Variants in VRK2 observed in about 807,000 individuals in gnomAD.
VRK2 encodes the protein serine/threonine-protein kinase VRK2.
VRK2 carries 60 observed loss-of-function variants against 57.6 expected under a neutral mutation model. The ratio of observed to expected loss-of-function variants is 1.04; its 90% CI spans 0.85 to 1.29. The LOEUF (loss-of-function observed/expected upper bound fraction) is 1.29, where lower values mean the gene tolerates loss of function less well. Ranked by LOEUF, VRK2 falls within the 50% of genes most tolerant of loss-of-function variation. The probability of loss-of-function intolerance (pLI) is 0.00; values close to 1 mark genes in which losing one functional copy is unlikely to be tolerated. For missense variants in VRK2, 705 were observed against 588.1 expected (o/e 1.20, Z -2.06); for synonymous variants, 231 against 199.2 (o/e 1.16, Z -1.35).
chr2:58,088,784 T>C (rs1434429680), intron 6 of VRK2, among the ~76,000 whole-genome samples: 1 of 152,204 alleles, frequency 6.6e-6, no homozygotes, highest in Non-Finnish European at 1.5e-5. Flanking sequence ...TGGCAAAATA[T>C]ATTGTCAGAC....
Position 57,969,632 on chromosome 2 carries a change from T to C in VRK2, c.-438-56033T>C, listed in dbSNP as rs1037346259. On this transcript the variant is annotated intron_variant, in intron 1 of 15. Coordinates refer to the VRK2 transcript ENST00000417641. The stretch of plus-strand genomic sequence containing the variant: ...TATTTCAAGAATTTAGAAACAATAC[T>C]TCAAGAAGTTCTAAGGAAATGAACA... Among the ~76,000 whole-genome samples, 41 of 152,018 alleles carry C rather than the reference T, an allele frequency of 2.7e-4. 1 individual carries two copies. The highest frequency in any genetic ancestry group is 1.2e-4 in the Non-Finnish European group (8 of 67,984).
chr2:58,087,856 G>A (rs749584350), intron 5 of VRK2, among the ~76,000 whole-genome samples: 5 of 152,092 alleles, frequency 3.3e-5, no homozygotes, highest in Non-Finnish European at 7.4e-5. Context: ...GTGTGGTGGT[G>A]CATGCCTGCA....
At chr2:57,939,715 T>C (rs1378858413) in intron 1 of VRK2, among the ~76,000 whole-genome samples, 1 of 152,192 alleles carries the variant, frequency 6.6e-6, no homozygotes, top group Non-Finnish European at 1.5e-5. Flanking sequence ...AACAATAATA[T>C]TGCATTTTAT....
chr2:58,061,511 C>T (rs1457415415), intron 2 of VRK2, among the ~76,000 whole-genome samples: 2 of 151,628 alleles, frequency 1.3e-5, no homozygotes, highest in Admixed American at 1.3e-4. Flanking sequence ...TAATCGGTTG[C>T]CAAAAAAGCA....
chr2:57,999,982 A>G (rs1673043096), intron 1 of VRK2, among the ~76,000 whole-genome samples: 1 of 152,142 alleles, frequency 6.6e-6, no homozygotes, highest in African/African-American at 2.4e-5. Context: ...CATCTCTACA[A>G]AAATTTAATA....
At chr2:58,023,168 A>G (rs1400600772) in intron 1 of VRK2, among the ~76,000 whole-genome samples, 1 of 152,070 alleles carries the variant, frequency 6.6e-6, no homozygotes, top group Non-Finnish European at 1.5e-5. Flanking sequence ...GCAACTACCA[A>G]CCTCCTTTCT....
At chr2:58,041,083 G>C (rs942105717) in intron 3 of VRK2, 2 of 984,798 alleles carry the variant, frequency 2.0e-6, no homozygotes, top group South Asian at 4.7e-5. Context: ...GGGGGAAAAA[G>C]GATGTAGAGT....
chr2:58,136,966 TC>T (rs1415662900), intron 10 of VRK2, among the ~76,000 whole-genome samples: 10 of 130,658 alleles, frequency 7.7e-5, no homozygotes, highest in East Asian at 6.1e-4. Context: ...TGTATATATA[TC>T]ATATATTATA....
At chr2:58,121,689 T>C (rs1339441724) in intron 7 of VRK2, among the ~76,000 whole-genome samples, 1 of 152,230 alleles carries the variant, frequency 6.6e-6, no homozygotes, top group Non-Finnish European at 1.5e-5. Context: ...CAGAATTTCC[T>C]CTTAATAGAT....
At chr2:58,084,591 T>C (rs773643950) in intron 3 of VRK2, among the ~76,000 whole-genome samples, 1 of 151,934 alleles carries the variant, frequency 6.6e-6, no homozygotes, top group Non-Finnish European at 1.5e-5. Flanking sequence ...TATATGTTTA[T>C]GTATACAGTT....
At chr2:57,928,445 T>A (rs1204522422) in intron 1 of VRK2, among the ~76,000 whole-genome samples, 1 of 152,122 alleles carries the variant, frequency 6.6e-6, no homozygotes, top group African/African-American at 2.4e-5. Context: ...TTCTTTGTGT[T>A]ATCTTGAATT....
intron 4 of VRK2, among the ~76,000 whole-genome samples, chr2:58,085,304 T>C (rs964755684): frequency 1.3e-5 from 2 of 151,820 alleles, no homozygotes; most frequent in African/African-American, 2.4e-5. Flanking sequence ...GAAAAAACAT[T>C]AAAATGGGAA....
chr2:57,976,240 G>T (rs1485980642), intron 1 of VRK2, among the ~76,000 whole-genome samples: 2 of 152,014 alleles, frequency 1.3e-5, no homozygotes, highest in Non-Finnish European at 2.9e-5. Context: ...TGTGCCTTTT[G>T]GTAGAATGAT....
intron 1 of VRK2, among the ~76,000 whole-genome samples, chr2:57,956,716 A>G (rs1671598263): frequency 6.6e-6 from 1 of 152,186 alleles, no homozygotes. Flanking sequence ...TTGGAGAAGA[A>G]AGTAGGCATT....
At chr2:58,046,771 G>A (rs1251634708), upstream of VRK2, 2 of 985,504 alleles carry the variant, frequency 2.0e-6, no homozygotes, top group Non-Finnish European at 2.4e-6. Flanking sequence ...TGCTGGGCCC[G>A]CCTCCCCGCG....
chr2:58,109,434 GA>G (rs1217084882), intron 7 of VRK2, among the ~76,000 whole-genome samples: 2,841 of 140,812 alleles, frequency 0.02, 38 homozygotes, highest in African/African-American at 0.036. Context: ...ATACTGCTAT[GA>G]AAAAAAAAAA....
At position 57,979,148 on chromosome 2, in the gene VRK2, T is replaced by C. The variant is rs543101254; in HGVS notation, c.-438-46517T>C. 9.7e-4 allele frequency among the ~76,000 whole-genome samples: 146 copies of C among 151,212 alleles called. 2 individuals carry two copies. Among genetic ancestry groups the C allele is most frequent in the Non-Finnish European group, 1.5e-3 (100 of 68,012 alleles). ...CATACGTGTGCATGTGTTTTTGCAGTAGAATGATTTATATTCCTTTGGGTA... is the reference window on the plus strand; with the variant it reads ...CATACGTGTGCATGTGTTTTTGCAGCAGAATGATTTATATTCCTTTGGGTA... On this transcript the variant is annotated intron_variant, in intron 1 of 15. Transcript: ENST00000417641.
At chr2:57,948,746 G>A (rs971080638) in intron 1 of VRK2, among the ~76,000 whole-genome samples, 1 of 152,026 alleles carries the variant, frequency 6.6e-6, no homozygotes, top group African/African-American at 2.4e-5. Flanking sequence ...AGAGAAGTAG[G>A]AGAAAGCATA....
intron 1 of VRK2, among the ~76,000 whole-genome samples, chr2:58,001,182 T>G (rs1673078116): frequency 6.6e-6 from 1 of 152,216 alleles, no homozygotes; most frequent in African/African-American, 2.4e-5. Context: ...TTTTCATACA[T>G]TTCATACTTT....
Sources: gnomAD v4.1 joint callset for allele counts (sites outside exome capture counted in the v4.1 genomes callset) on GRCh38, gnomAD v4.1.1 for gene constraint, MANE v1.5 for transcripts, NCBI Gene and HGNC (gene_info 2026-07-23, HGNC 2026-07-21) for gene names.